The following DYNC1I1 variants were observed in gnomAD, a reference collection of about 807,000 sequenced individuals.
The protein encoded by DYNC1I1 is cytoplasmic dynein 1 intermediate chain 1.
DYNC1I1 carries 43 observed loss-of-function variants against 86.6 expected under a neutral mutation model. The ratio of observed to expected loss-of-function variants is 0.50; its 90% confidence interval spans 0.39 to 0.64. The LOEUF is 0.64. Among genes scored for constraint, DYNC1I1 ranks in the 30% least tolerant of loss-of-function variants. The probability of loss-of-function intolerance (pLI) is 0.00; values close to 1 mark genes in which losing one functional copy is unlikely to be tolerated. For missense variants in DYNC1I1, 604 were observed against 788.8 expected (o/e 0.77, Z 2.81); for synonymous variants, 262 against 283.7 (o/e 0.92, Z 0.77).
chr7:95,829,936 T>C (rs1021886240), intron 5 of DYNC1I1, among the ~76,000 whole-genome samples: 1 of 152,126 alleles, frequency 6.6e-6, no homozygotes, highest in South Asian at 2.1e-4. Flanking sequence ...CAATGCCCAC[T>C]GTAGGTATAA....
At chr7:95,880,882 C>T (rs995943051) in intron 6 of DYNC1I1, among the ~76,000 whole-genome samples, 10 of 151,908 alleles carry the variant, frequency 6.6e-5, no homozygotes, top group African/African-American at 7.3e-5. Flanking sequence ...CTGACCCTCA[C>T]GATCCGCCCA....
intron 6 of DYNC1I1, among the ~76,000 whole-genome samples, chr7:95,931,721 T>A (rs1791902994): frequency 6.6e-6 from 1 of 152,220 alleles, no homozygotes; most frequent in Non-Finnish European, 1.5e-5. Context: ...AGCTCAGCTG[T>A]GTAGCCGCAA....
At chr7:95,845,246 G>A (rs534652131) in intron 5 of DYNC1I1, among the ~76,000 whole-genome samples, 1 of 152,228 alleles carries the variant, frequency 6.6e-6, no homozygotes, top group East Asian at 1.9e-4. Flanking sequence ...AAACTGCTAT[G>A]GTGAAATAAA....
chr7:96,012,271 A>G (rs1353027290), intron 10 of DYNC1I1, among the ~76,000 whole-genome samples: 3 of 152,188 alleles, frequency 2.0e-5, no homozygotes, highest in Non-Finnish European at 2.9e-5. Flanking sequence ...TGGGTTGCAA[A>G]TAACAGCAGA....
Position 95,856,678 on chromosome 7 carries a change from C to T in DYNC1I1, c.375-13205C>T, listed in dbSNP as rs116188548. 9.7e-3 allele frequency among the ~76,000 whole-genome samples: 1,470 copies of T among 152,186 alleles called. 21 individuals are homozygous for T. Among genetic ancestry groups the T allele is most frequent in the East Asian group, 0.046 (240 of 5,164 alleles). ...TCCTCAATGCCATCCTAATTCCAACCCAGGTTAAATTTGGTTTGCTGGCCG... is the reference window on the plus strand; with the variant it reads ...TCCTCAATGCCATCCTAATTCCAACTCAGGTTAAATTTGGTTTGCTGGCCG... On this transcript the variant is annotated intron_variant, in intron 5 of 16. Transcript: ENST00000447467.
At chr7:95,903,448 A>G (rs912854680) in intron 6 of DYNC1I1, among the ~76,000 whole-genome samples, 1 of 152,188 alleles carries the variant, frequency 6.6e-6, no homozygotes, top group African/African-American at 2.4e-5. Flanking sequence ...CTGGACAGTA[A>G]TCCATGCCAA....
At chr7:95,992,180 G>T (rs1562965562) in intron 9 of DYNC1I1, among the ~76,000 whole-genome samples, 1 of 152,038 alleles carries the variant, frequency 6.6e-6, no homozygotes, top group East Asian at 1.9e-4. Context: ...ACAGAACCTT[G>T]CTTCTGCCTC....
At chr7:96,050,097 C>T (rs557368607) in intron 14 of DYNC1I1, among the ~76,000 whole-genome samples, 3 of 151,176 alleles carry the variant, frequency 2.0e-5, no homozygotes, top group East Asian at 1.9e-4. Flanking sequence ...GCAAACAATT[C>T]GACAACAAGA....
chr7:95,963,600 G>A (rs940630658), intron 6 of DYNC1I1, among the ~76,000 whole-genome samples: 3 of 152,144 alleles, frequency 2.0e-5, no homozygotes, highest in Non-Finnish European at 2.9e-5. Context: ...TCATTATTTT[G>A]TTGCCACAGT....
At position 95,984,961 on chromosome 7, in the gene DYNC1I1, T is replaced by C; in HGVS notation, c.727T>C (p.Leu243=). ...CTTTTTTGACTACAGCGGCCGAGAGTTAGAGGAAAAAGATGGGTTAGTCTC... is the reference window on the plus strand; with the variant it reads ...CTTTTTTGACTACAGCGGCCGAGAGCTAGAGGAAAAAGATGGGTTAGTCTC... ...DIFFDYSGRE[L]EEKDGDVQAG... Residue 243 remains leucine, a synonymous_variant, in exon 8 of 17, where the codon TTA becomes CTA. Coordinates refer to ENST00000447467, the MANE Select transcript of DYNC1I1 (RefSeq NM_001135556.2). 3 of 1,612,752 alleles carry C rather than the reference T, an allele frequency of 1.9e-6. No individual in the cohort carries two copies. Among genetic ancestry groups the C allele is most frequent in the South Asian group, 1.1e-5 (1 of 90,722 alleles).
At chr7:96,042,709 C>G (rs1358783773) in intron 14 of DYNC1I1, among the ~76,000 whole-genome samples, 2 of 152,094 alleles carry the variant, frequency 1.3e-5, no homozygotes, top group African/African-American at 4.8e-5. Context: ...CTTTGGCCAC[C>G]TATGGAGAAT....
chr7:95,778,474 C>G (rs918740399), intron 1 of DYNC1I1, among the ~76,000 whole-genome samples: 2 of 152,268 alleles, frequency 1.3e-5, no homozygotes, highest in African/African-American at 4.8e-5. Flanking sequence ...GGCCCATTGC[C>G]TTTTGTGTAT....
At chr7:96,001,521 G>C (rs925070572) in intron 10 of DYNC1I1, among the ~76,000 whole-genome samples, 2 of 152,182 alleles carry the variant, frequency 1.3e-5, no homozygotes, top group African/African-American at 4.8e-5. Flanking sequence ...CACTGTTTTG[G>C]AGTCTGAGAA....
At chr7:95,911,392 G>A (rs922594424) in intron 6 of DYNC1I1, among the ~76,000 whole-genome samples, 1 of 152,092 alleles carries the variant, frequency 6.6e-6, no homozygotes, top group Non-Finnish European at 1.5e-5. Context: ...CCCCACAGAG[G>A]TGACACAGGT....
intron 7 of DYNC1I1, among the ~76,000 whole-genome samples, chr7:95,983,201 T>C (rs761663256): frequency 6.6e-6 from 1 of 152,148 alleles, no homozygotes; most frequent in Non-Finnish European, 1.5e-5. Context: ...CACAAACTAG[T>C]GTCTCAGCAG....
Position 95,885,478 on chromosome 7 carries a change from T to A in DYNC1I1, c.490+15480T>A, listed in dbSNP as rs746067308. Among the ~76,000 whole-genome samples, 34 of 151,898 alleles carry A rather than the reference T, an allele frequency of 2.2e-4. 1 individual carries two copies. The highest frequency in any genetic ancestry group is 4.6e-4 in the Non-Finnish European group (31 of 67,956). On this transcript the variant is annotated intron_variant, in intron 6 of 16. Coordinates refer to ENST00000447467, the MANE Select transcript of DYNC1I1 (RefSeq NM_001135556.2). ...AGACATGAGCCACCATGCCCTGCCC[T>A]TCATTTTTTTCTTCCTAAGAGACGG...
At chr7:95,970,292 T>G (rs1040611881) in intron 6 of DYNC1I1, among the ~76,000 whole-genome samples, 1 of 152,206 alleles carries the variant, frequency 6.6e-6, no homozygotes, top group Non-Finnish European at 1.5e-5. Context: ...ACCTTCTTAC[T>G]GTGCCCTGGC....
chr7:96,102,148 A>G (rs559787235), downstream of DYNC1I1, among the ~76,000 whole-genome samples: 169 of 152,244 alleles, frequency 1.1e-3, no homozygotes, highest in Admixed American at 3.1e-3. Flanking sequence ...CATTCCACCT[A>G]TAAAACAAGA....
chr7:95,972,550 G>A lies in DYNC1I1; in HGVS notation c.491-4962G>A, dbSNP rs374434541. Among the ~76,000 whole-genome samples, 1,037 of 152,062 alleles carry A rather than the reference G, an allele frequency of 6.8e-3. 10 individuals carry two copies. The highest frequency in any genetic ancestry group is 0.046 in the South Asian group (223 of 4,818). On this transcript the variant is annotated intron_variant, in intron 6 of 16. Transcript: ENST00000447467. ...CAGCATATCACCAATCCGGATTGCT[G>A]CAAAGGGAATATGCCCCAGACAGAA...
Sources: allele counts gnomAD v4.1 joint callset (sites outside exome capture counted in the v4.1 genomes callset), GRCh38; gene constraint gnomAD v4.1.1; transcripts MANE v1.5; gene names NCBI Gene and HGNC (gene_info 2026-07-23, HGNC 2026-07-21).